The following LAMB4 variants were observed in gnomAD, a reference collection of about 807,000 sequenced individuals.
LAMB4 encodes laminin subunit beta 4, also known as laminin subunit beta-4.
A neutral mutation model predicts 199.2 loss-of-function variants in LAMB4; 196 were observed. That is an observed-to-expected ratio of 0.98 (90% CI 0.88 to 1.11). The LOEUF (loss-of-function observed/expected upper bound fraction) is 1.11, where lower values mean the gene tolerates loss of function less well. Among genes scored for constraint, LAMB4 ranks in the 50% least tolerant of loss-of-function variants. The probability of loss-of-function intolerance (pLI) is 0.00; values close to 1 mark genes in which losing one functional copy is unlikely to be tolerated. For missense variants in LAMB4, 2,080 were observed against 2,171.2 expected, an observed-to-expected ratio of 0.96 and a Z score of 0.83; for synonymous variants, 744 against 770.6, an observed-to-expected ratio of 0.97 and a Z score of 0.57.
chr7:108,081,544 C>T (rs1200910461), intron 14 of LAMB4, among the ~76,000 whole-genome samples: 1 of 152,206 alleles, frequency 6.6e-6, no homozygotes, highest in African/African-American at 2.4e-5. Context: ...TGAATCCCAT[C>T]TTAGGCTCTC....
At chr7:108,128,229 C>A (rs1236730488) in intron 1 of LAMB4, among the ~76,000 whole-genome samples, 1 of 152,062 alleles carries the variant, frequency 6.6e-6, no homozygotes, top group Non-Finnish European at 1.5e-5. Context: ...ATGGGTCTGC[C>A]CTGTGTATAA....
chr7:108,017,473 G>T, the LAMB4 span, among the ~76,000 whole-genome samples: 1 of 152,202 alleles, frequency 6.6e-6, no homozygotes, highest in Non-Finnish European at 1.5e-5. Context: ...CATAAAATTG[G>T]AGTCAATTTA....
In LAMB4 at chr7:108,030,178, T is replaced by G. The variant is rs185973291; in HGVS notation, c.4992+628A>C. On this transcript the variant is annotated intron_variant, in intron 32 of 33. Coordinates refer to ENST00000388781, the MANE Select transcript of LAMB4 (RefSeq NM_007356.3). ...TTCCACAGAAAATGTTCTCAGTTCC[T>G]GTCAGTGGAAAATTTACCCAGCACA... Among the ~76,000 whole-genome samples the G allele has an allele frequency of 5.9e-5, 9 of 152,080 alleles. No individual in the cohort carries two copies. The East Asian group carries it at 1.7e-3, about 29-fold the overall frequency.
Position 108,055,687 on chromosome 7 carries a change from G to C in LAMB4, c.3700C>G (p.Pro1234Ala), listed in dbSNP as rs754996076. 1 of 1,613,982 alleles carries C rather than the reference G, an allele frequency of 6.2e-7. No individual in the cohort carries two copies. The highest frequency in any genetic ancestry group is 2.2e-5 in the East Asian group (1 of 44,884). Residue 1234 changes from proline (P) to alanine (A), a missense_variant, in exon 25 of 34, where the codon CCT (proline) becomes GCT (alanine). By Grantham distance (27) the Pro-to-Ala change is conservative. Transcript: ENST00000388781. ...VSEIERILKH[P>A]VFPSGKFLKV... ...AAGAATTTCCCAGATGGGAAAACAG[G>C]ATGTTTCAAAATCCTTTCTATTTCA...
At chr7:108,085,208 GA>G (rs1389367056) in intron 14 of LAMB4, among the ~76,000 whole-genome samples, 4 of 152,140 alleles carry the variant, frequency 2.6e-5, no homozygotes, top group Non-Finnish European at 5.9e-5. Context: ...CACATAGCAG[GA>G]AGTGAAATGA....
intron 23 of LAMB4, among the ~76,000 whole-genome samples, chr7:108,061,695 T>G (rs578223457): frequency 5.6e-4 from 77 of 136,700 alleles, no homozygotes; most frequent in Admixed American, 1.3e-3. Flanking sequence ...GCCAAGATCA[T>G]ACCACTGCCC....
intron 16 of LAMB4, 103 bp downstream of exon 16, chr7:108,078,098 T>C: frequency 2.7e-6 from 2 of 743,010 alleles, no homozygotes; most frequent in Non-Finnish European, 4.7e-6. Flanking sequence ...TATAGTTTTC[T>C]TCAGACCTCC....
At chr7:108,054,553 A>G (rs1003566559) in intron 25 of LAMB4, among the ~76,000 whole-genome samples, 1 of 152,160 alleles carries the variant, frequency 6.6e-6, no homozygotes, top group Non-Finnish European at 1.5e-5. Context: ...CTAGATAAGC[A>G]CACTTTTGGA....
chr7:108,073,887 G>C (rs1195515169), intron 17 of LAMB4, among the ~76,000 whole-genome samples: 1 of 152,198 alleles, frequency 6.6e-6, no homozygotes, highest in African/African-American at 2.4e-5. Flanking sequence ...GCTCACAGCT[G>C]TTCCCTTCTT....
At chr7:108,011,670 C>G in the LAMB4 span, among the ~76,000 whole-genome samples, 1 of 152,238 alleles carries the variant, frequency 6.6e-6, no homozygotes, top group East Asian at 1.9e-4. Context: ...CAGCCCGCCT[C>G]AGCCTCCCAA....
At chr7:108,065,581 A>G (rs1459458466) in intron 21 of LAMB4, among the ~76,000 whole-genome samples, 181 bp downstream of exon 21, 1 of 152,142 alleles carries the variant, frequency 6.6e-6, no homozygotes, top group Non-Finnish European at 1.5e-5. Context: ...TTTAATTGTC[A>G]TTGGTTTGTG....
rs763989565 is a variant in LAMB4 at position 108,065,779 on chromosome 7, C to T, written c.2819G>A (p.Cys940Tyr). The T allele has an allele frequency of 3.7e-5, 59 of 1,613,904 alleles. No homozygotes were observed. Among genetic ancestry groups the T allele is most frequent in the Non-Finnish European group, 4.9e-5 (58 of 1,179,950 alleles). The change falls in exon 21 of 34, where the codon TGT (cysteine) becomes TAT (tyrosine). Residue 940 changes from cysteine to tyrosine, a missense_variant. Coordinates refer to ENST00000388781, the MANE Select transcript of LAMB4 (RefSeq NM_007356.3). ...CTGCATACCCGTATAACCTTGAAGA[C>T]AATTGCAGATTACATCTGAGCTCCA... Reference protein sequence around the residue: ...NLWSSDVICNCLQGYTGTQCG... With the variant: ...NLWSSDVICNYLQGYTGTQCG...
rs1480650080 is a variant in LAMB4, at chr7:108,106,586, AT to A, written c.592-15del. On this transcript the variant is annotated splice_polypyrimidine_tract_variant and intron_variant, in intron 6 of 33. Transcript: ENST00000388781. Reference sequence around the variant, plus strand: ...TTTTAAAACAACCTGTAAAACAAATATAGATACATTTATAGTATATTACCTG... The same window carrying A: ...TTTTAAAACAACCTGTAAAACAAATAAGATACATTTATAGTATATTACCTG... 3 of 1,409,180 alleles carry A rather than the reference AT, an allele frequency of 2.1e-6. No homozygotes were observed. The highest frequency in any genetic ancestry group is 3.0e-6 in the Non-Finnish European group (3 of 1,000,492). The allele number at this position is 1,409,180 out of a possible 1,614,324, so 87.3% of individuals were successfully genotyped here. A position where few individuals can be genotyped will look rare whatever the true frequency, so the allele number is the denominator to read the frequency against.
intron 9 of LAMB4, among the ~76,000 whole-genome samples, chr7:108,103,799 T>C (rs2037901654): frequency 1.3e-5 from 2 of 152,198 alleles, no homozygotes; most frequent in African/African-American, 4.8e-5. Context: ...TGTCTTTTTG[T>C]TTCTTTTCCT....
intron 33 of LAMB4, among the ~76,000 whole-genome samples, chr7:108,024,743 GTCCGTCCA>G (rs1319604712): frequency 1.7e-5 from 2 of 118,322 alleles, no homozygotes; most frequent in East Asian, 4.1e-4. Context: ...CCATCCATCC[GTCCGTCCA>G]TCCGTCCATC....
chr7:108,046,918 TTTA>T (rs952847676), intron 28 of LAMB4, among the ~76,000 whole-genome samples: 5 of 150,922 alleles, frequency 3.3e-5, no homozygotes, highest in Admixed American at 6.6e-5. Flanking sequence ...ATATATTTCT[TTTA>T]TTATTATTAT....
chr7:108,047,127 AACATGT>A (rs2035653886), intron 28 of LAMB4, among the ~76,000 whole-genome samples: 1 of 152,102 alleles, frequency 6.6e-6, no homozygotes, highest in Admixed American at 6.6e-5. Context: ...GCTGTAAACA[AACATGT>A]CCACACGAGT....
intron 5 of LAMB4, among the ~76,000 whole-genome samples, chr7:108,108,897 T>C (rs377483442): frequency 5.9e-5 from 9 of 152,314 alleles, no homozygotes; most frequent in African/African-American, 2.2e-4. Flanking sequence ...AAATTATCTT[T>C]ATAGTTCTTA....
chr7:108,068,076 C>G lies in LAMB4; in HGVS notation c.2386G>C (p.Gly796Arg), dbSNP rs544784448. Residue 796 changes from glycine (G) to arginine (R), a missense_variant, in exon 19 of 34, where the codon GGG becomes CGG. Transcript: ENST00000388781. ...GTTGAGCACCTGTCACAGCAGCGCC[C>G]GACCACAAGAGGTTTACACTGGCAC... Reference protein sequence around the residue: ...GQCQCKPLVVGRCCDRCSTGS... With the variant: ...GQCQCKPLVVRRCCDRCSTGS... The G allele has an allele frequency of 9.9e-6, 16 of 1,614,168 alleles. No homozygotes were observed. The South Asian group carries it at 1.5e-4, about 16-fold the overall frequency.
Sources: allele counts gnomAD v4.1 joint callset (sites outside exome capture counted in the v4.1 genomes callset), GRCh38; gene constraint gnomAD v4.1.1; transcripts MANE v1.5; gene names NCBI Gene and HGNC (gene_info 2026-07-23, HGNC 2026-07-21).